Variants in KANSL3 observed in about 807,000 individuals in gnomAD.
The protein encoded by KANSL3 is NSL complex protein NSL3.
In KANSL3, 16 loss-of-function variants were observed where a neutral mutation model predicts 89.2. The ratio of observed to expected loss-of-function variants is 0.18; its 90% CI spans 0.12 to 0.27. The LOEUF (loss-of-function observed/expected upper bound fraction) is 0.27, where lower values mean the gene tolerates loss of function less well. KANSL3 is among the 10% of genes least tolerant of loss of function. KANSL3 has a pLI of 1.00. For synonymous variants in KANSL3, 385 were observed against 419.7 expected (o/e 0.92, Z 1.01); for missense variants, 879 against 1,110.6 (o/e 0.79, Z 2.96).
rs1183468265 is a variant in KANSL3 at position 96,610,775 on chromosome 2, G to T, written c.1270C>A (p.Arg424=). 1 of 1,613,976 alleles carries T rather than the reference G, an allele frequency of 6.2e-7. No homozygotes were observed. Among genetic ancestry groups the T allele is most frequent in the South Asian group, 1.1e-5 (1 of 91,084 alleles). ...ACCACCACCAAGCTGTTCTCAGCTC[G>T]AATCTTCTCCCGGAAGTCCTCCATG... is the stretch of plus-strand genomic sequence containing the variant. ...EAMEDFREKI[R]AENSLVVVGG... Residue 424 remains arginine (R), a synonymous_variant, in exon 11 of 21, where the codon CGA becomes AGA. Coordinates refer to ENST00000431828, the MANE Select transcript of KANSL3 (RefSeq NM_001115016.3).
chr2:96,586,723 C>T, the KANSL3 span, among the ~76,000 whole-genome samples: 2 of 152,214 alleles, frequency 1.3e-5, no homozygotes, highest in Admixed American at 6.5e-5. Context: ...AACGCCTGGC[C>T]TTAAGCAATC....
At chr2:96,604,085 C>T in intron 17 of KANSL3, 165 bp downstream of exon 17, 2 of 680,972 alleles carry the variant, frequency 2.9e-6, no homozygotes, top group Non-Finnish European at 2.2e-6. Context: ...CAAGGAATCC[C>T]TCTGCCCAAG....
chr2:96,636,620 T>C, intron 2 of KANSL3: 1 of 301,382 alleles, frequency 3.3e-6, no homozygotes, highest in Admixed American at 4.7e-5. Context: ...CTTTTCAGTC[T>C]TTTTCTTCAC....
chr2:96,629,109 C>T (rs1184379004), intron 3 of KANSL3, among the ~76,000 whole-genome samples: 1 of 152,288 alleles, frequency 6.6e-6, no homozygotes, highest in South Asian at 2.1e-4. Context: ...GATTAAGAGA[C>T]AATGCATTTG....
At chr2:96,604,101 T>C (rs1420079897) in intron 17 of KANSL3, 149 bp downstream of exon 17, 2 of 824,050 alleles carry the variant, frequency 2.4e-6, no homozygotes, top group Non-Finnish European at 3.5e-6. Context: ...CCAAGCTAAT[T>C]CCAGCTTCAC....
Position 96,593,240 on chromosome 2 carries a change from A to G in KANSL3, c.*2371T>C, listed in dbSNP as rs191991341. 2.3e-3 allele frequency: 1,070 copies of G among 456,092 alleles called. 6 individuals are homozygous for G. Among genetic ancestry groups the G allele is most frequent in the Non-Finnish European group, 3.5e-3 (790 of 226,800 alleles). 28.3% of individuals were successfully genotyped at this position (456,092 alleles called of 1,614,324 possible). ...AACCATCACAGCCGCTCAGCTCTAT[A>G]ACCCATCCAGCCCAAGACTGTTCTA... On this transcript the variant is annotated 3_prime_UTR_variant, in exon 21 of 21. Transcript: ENST00000431828.
In KANSL3 at chr2:96,593,284, G is replaced by C. The variant is rs1332054286; in HGVS notation, c.*2327C>G. On this transcript the variant is annotated 3_prime_UTR_variant, in exon 21 of 21. Coordinates refer to ENST00000431828, the MANE Select transcript of KANSL3 (RefSeq NM_001115016.3). ...TGTTCTAGTGGTGAAACCAAGAGTA[G>C]ACAGGTCTTCCTACCTCAGTGACCT... 2 of 455,962 alleles carry C rather than the reference G, an allele frequency of 4.4e-6. No individual in the cohort carries two copies. Among genetic ancestry groups the C allele is most frequent in the African/African-American group, 4.0e-5 (2 of 50,060 alleles). The allele number at this position is 455,962 out of a possible 1,614,324, so 28.2% of individuals were successfully genotyped here.
intron 1 of KANSL3, among the ~76,000 whole-genome samples, chr2:96,637,766 T>C (rs2074455434): frequency 6.6e-6 from 1 of 152,138 alleles, no homozygotes; most frequent in Admixed American, 6.5e-5. Flanking sequence ...CAGAGTTGTT[T>C]ACATAAAAAT....
At chr2:96,605,689 C>T in intron 14 of KANSL3, 178 bp from the exon 15 acceptor site, 2 of 497,882 alleles carry the variant, frequency 4.0e-6, no homozygotes, top group South Asian at 5.6e-5. Context: ...TTCACTCAGG[C>T]CCTGTCCGTG....
intron 20 of KANSL3, among the ~76,000 whole-genome samples, chr2:96,596,378 C>T (rs1481645411): frequency 3.3e-5 from 5 of 152,032 alleles, no homozygotes; most frequent in Admixed American, 6.5e-5. Context: ...GCAACTTAGC[C>T]CATCTCTACA....
At chr2:96,600,511 G>A (rs1222264395) in intron 20 of KANSL3, 3 of 985,270 alleles carry the variant, frequency 3.0e-6, no homozygotes, top group African/African-American at 3.5e-5. Flanking sequence ...TCCCTAAAGA[G>A]GAAGAGACAG....
chr2:96,587,776 C>G, the KANSL3 span, among the ~76,000 whole-genome samples: 2 of 152,048 alleles, frequency 1.3e-5, no homozygotes, highest in African/African-American at 4.8e-5. Context: ...CAATATCACA[C>G]TAAGACAAAT....
chr2:96,600,616 T>TG, intron 20 of KANSL3: 1 of 985,422 alleles, frequency 1.0e-6, no homozygotes, highest in Non-Finnish European at 1.2e-6. Context: ...AGGAAGGCCT[T>TG]GGCTGTATAG....
chr2:96,634,889 C>T (rs1224007577), intron 2 of KANSL3, among the ~76,000 whole-genome samples: 1 of 152,196 alleles, frequency 6.6e-6, no homozygotes, highest in Non-Finnish European at 1.5e-5. Flanking sequence ...CATGGCACCA[C>T]CCAACTGCTC....
At chr2:96,582,335 T>C in the KANSL3 span, among the ~76,000 whole-genome samples, 6 of 151,256 alleles carry the variant, frequency 4.0e-5, no homozygotes, top group Admixed American at 4.0e-4. Context: ...GAGGTGGAGG[T>C]TGCAATGAGT....
rs193043022 is a variant in KANSL3 at position 96,595,270 on chromosome 2, T to C, written c.*341A>G. ...CACAGACTTCCAAAAGGAAACACCTTCATTAAATGCAGCAGGCAGTCCTAT... is the reference window on the plus strand; with the variant it reads ...CACAGACTTCCAAAAGGAAACACCTCCATTAAATGCAGCAGGCAGTCCTAT... On this transcript the variant is annotated 3_prime_UTR_variant, in exon 21 of 21. Transcript: ENST00000431828. 81 of 225,170 alleles carry C rather than the reference T, an allele frequency of 3.6e-4. No individual in the cohort carries two copies. Among genetic ancestry groups the C allele is most frequent in the Non-Finnish European group, 6.5e-4 (74 of 113,842 alleles). The allele number at this position is 225,170 out of a possible 1,614,324, so 13.9% of individuals were successfully genotyped here. A position where few individuals can be genotyped will look rare whatever the true frequency, so the allele number is the denominator to read the frequency against.
chr2:96,631,254 A>C (rs1276593007), intron 3 of KANSL3, 58 bp downstream of exon 3: 1 of 1,252,338 alleles, frequency 8.0e-7, no homozygotes, highest in African/African-American at 1.5e-5. Context: ...TGTTATTTCA[A>C]TGAAGATGAT....
the KANSL3 span, among the ~76,000 whole-genome samples, chr2:96,586,844 T>G: frequency 6.6e-6 from 1 of 152,250 alleles, no homozygotes; most frequent in South Asian, 2.1e-4. Flanking sequence ...AATTCCTAAT[T>G]CTAATCTTCC....
At chr2:96,613,745 C>T in intron 5 of KANSL3, 126 bp from the exon 6 acceptor site, 1 of 766,454 alleles carries the variant, frequency 1.3e-6, no homozygotes, top group East Asian at 2.9e-5. Flanking sequence ...CCTCTGAAAA[C>T]CTCCTAAGGA....
Sources: allele counts gnomAD v4.1 joint callset (sites outside exome capture counted in the v4.1 genomes callset), GRCh38; gene constraint gnomAD v4.1.1; transcripts MANE v1.5; gene names NCBI Gene and HGNC (gene_info 2026-07-23, HGNC 2026-07-21).